Variants in ARHGEF10L observed in about 807,000 individuals in gnomAD.
The protein encoded by ARHGEF10L is rho guanine nucleotide exchange factor 10-like protein.
ARHGEF10L carries 69 observed loss-of-function variants against 141.2 expected under a neutral mutation model. The ratio of observed to expected loss-of-function variants is 0.49; its 90% confidence interval spans 0.40 to 0.60. The LOEUF (loss-of-function observed/expected upper bound fraction) is 0.60. ARHGEF10L is among the 20% of genes least tolerant of loss of function. The pLI is 0.00. For missense variants in ARHGEF10L, 1,482 were observed against 1,734.3 expected, an observed-to-expected ratio of 0.85 and a Z score of 2.58; for synonymous variants, 711 against 718.5, an observed-to-expected ratio of 0.99 and a Z score of 0.17.
chr1:17,537,245 A>G (rs573303592), upstream of ARHGEF10L, among the ~76,000 whole-genome samples: 140 of 152,292 alleles, frequency 9.2e-4, no homozygotes, highest in African/African-American at 3.3e-3. Flanking sequence ...ATGGCAACTA[A>G]CAACAACAAA....
chr1:17,554,474 G>T lies in ARHGEF10L; in HGVS notation c.-44+14524G>T, dbSNP rs144646316. On this transcript the variant is annotated intron_variant, in intron 1 of 28. Transcript: ENST00000361221. ...TAGGACATCTCAGTCCCAGAGAGGG[G>T]CTGGGACTTACCCTAGGTCACACAG... Among the ~76,000 whole-genome samples, 100 of 152,184 alleles carry T rather than the reference G, an allele frequency of 6.6e-4. 1 individual carries two copies. In the East Asian group the frequency reaches 0.017, roughly 27 times the overall value.
intron 26 of ARHGEF10L, among the ~76,000 whole-genome samples, chr1:17,674,680 G>A (rs747111340): frequency 2.9e-4 from 44 of 152,338 alleles, no homozygotes; most frequent in Admixed American, 2.7e-3. Context: ...ACATAGTCAC[G>A]TGCTGCATAG....
chr1:17,621,458 C>G lies in ARHGEF10L; in HGVS notation c.943-406C>G, dbSNP rs1040126576. On this transcript the variant is annotated intron_variant, in intron 10 of 28. Coordinates refer to ENST00000361221, the MANE Select transcript of ARHGEF10L (RefSeq NM_018125.4). The surrounding 1 kb of genome is among the most constrained non-coding windows in gnomAD (Gnocchi z 4.1). ...ATGTTGGCCAGGCTGGTTTCGAACT[C>G]CTGACTTCAGGTGATTTGCCCATCT... Among the ~76,000 whole-genome samples the G allele has an allele frequency of 7.9e-5, 12 of 152,156 alleles. No individual in the cohort carries two copies. Among genetic ancestry groups the G allele is most frequent in the African/African-American group, 2.7e-4 (11 of 41,440 alleles).
chr1:17,697,114 G>A lies in ARHGEF10L; in HGVS notation c.3574G>A (p.Glu1192Lys). 6.2e-7 allele frequency: 1 copy of A among 1,610,034 alleles called. No homozygotes were observed. Among genetic ancestry groups the A allele is most frequent in the South Asian group, 1.1e-5 (1 of 90,822 alleles). Residue 1192 changes from glutamate (E) to lysine (K), a missense_variant, in exon 29 of 29, where the codon GAG (glutamate) becomes AAG (lysine). By Grantham distance (56) the Glu-to-Lys change is moderately conservative (BLOSUM62 1). Around this residue, in one of 3 missense-constraint regions of ARHGEF10L, gnomAD observed 858 missense variants for 966.3 expected, o/e 0.89. Coordinates refer to ENST00000361221, the MANE Select transcript of ARHGEF10L (RefSeq NM_018125.4). The surrounding 1 kb of genome is among the most constrained non-coding windows in gnomAD (Gnocchi z 4.8). ...CCCGGGCCCGCTGCTCTCCATGCGG[G>A]AGCCGGCGCCTGCTGATGGCGCAGC... The part of the protein sequence containing the change: ...HLPGPLLSMR[E>K]PAPADGAALE...
chr1:17,566,969 T>C (rs1339270223), intron 1 of ARHGEF10L, among the ~76,000 whole-genome samples: 2 of 152,202 alleles, frequency 1.3e-5, no homozygotes, highest in Non-Finnish European at 1.5e-5. Context: ...GAGCGGGGTC[T>C]GGAGACCTTG....
rs1302887044 is a variant in ARHGEF10L, at chr1:17,637,972, T to A, written c.2012T>A (p.Leu671His). Residue 671 changes from leucine (L) to histidine (H), a missense_variant, in exon 19 of 29, where the codon CTT (leucine) becomes CAT (histidine). Coordinates refer to ENST00000361221, the MANE Select transcript of ARHGEF10L (RefSeq NM_018125.4). ...CTGGCCGTGGTGGAGCAGATCACGC[T>A]TCTCATCAGCACGCTGCACGGCACC... ...KDLAVVEQIT[L>H]LISTLHGTYQ... The A allele has an allele frequency of 6.3e-7, 1 of 1,598,468 alleles. No individual in the cohort carries two copies. The highest frequency in any genetic ancestry group is 2.3e-5 in the East Asian group (1 of 44,298).
rs1390358377 is a variant in ARHGEF10L, at chr1:17,558,282, C to T, written c.-44+18332C>T. On this transcript the variant is annotated intron_variant, in intron 1 of 28. Transcript: ENST00000361221. The surrounding 1 kb of genome is among the most constrained non-coding windows in gnomAD (Gnocchi z 4.2). ...TCATTCATTCATCTATCCATCCACC[C>T]ACCCGCCCATTTATTCACCCACTCA... 2.6e-5 allele frequency among the ~76,000 whole-genome samples: 4 copies of T among 152,340 alleles called. 1 individual carries two copies. Among genetic ancestry groups the T allele is most frequent in the African/African-American group, 9.6e-5 (4 of 41,580 alleles).
chr1:17,630,877 C>G (rs565150038), intron 15 of ARHGEF10L, among the ~76,000 whole-genome samples: 1 of 152,164 alleles, frequency 6.6e-6, no homozygotes, highest in African/African-American at 2.4e-5. Flanking sequence ...CGAGGAGGCT[C>G]GGGGTGATCT....
intron 25 of ARHGEF10L, among the ~76,000 whole-genome samples, chr1:17,657,200 C>T (rs953638246): frequency 6.6e-6 from 1 of 152,168 alleles, no homozygotes; most frequent in African/African-American, 2.4e-5. Flanking sequence ...ATTGAGCCAT[C>T]CCTAGCACAG....
rs1348479432 is a variant in ARHGEF10L at position 17,633,100 on chromosome 1, TG to T, written c.1730+637del. 1.7e-3 allele frequency among the ~76,000 whole-genome samples: 257 copies of T among 152,322 alleles called. 3 individuals are homozygous for T. The highest frequency in any genetic ancestry group is 9.1e-4 in the Non-Finnish European group (62 of 68,030). ...TTACTAACACAGGGAGCCCACACCA[TG>T]GGTGAGACATAGGAGAGATCTGACA... On this transcript the variant is annotated intron_variant, in intron 16 of 28. Transcript: ENST00000361221.
rs553325449 is a variant in ARHGEF10L at position 17,551,932 on chromosome 1, G to A, written c.-44+11982G>A. Among the ~76,000 whole-genome samples the A allele has an allele frequency of 6.6e-5, 10 of 152,270 alleles. No individual in the cohort carries two copies. In the South Asian group the frequency reaches 1.0e-3, roughly 16 times the overall value. ...TTGAAGGTCACCGTCCACAGTCCCC[G>A]TGTGGCTTTAAACATTGCCTTTTTG... On this transcript the variant is annotated intron_variant, in intron 1 of 28. Coordinates refer to ENST00000361221, the MANE Select transcript of ARHGEF10L (RefSeq NM_018125.4).
intron 1 of ARHGEF10L, among the ~76,000 whole-genome samples, chr1:17,541,865 G>A (rs1218007810): frequency 6.6e-6 from 1 of 152,218 alleles, no homozygotes; most frequent in Non-Finnish European, 1.5e-5. Context: ...TACTCGGGAG[G>A]CTGAAGCAGG....
intron 2 of ARHGEF10L, 50 bp from the exon 3 acceptor site, chr1:17,587,410 G>T: frequency 1.3e-6 from 2 of 1,578,292 alleles, no homozygotes; most frequent in South Asian, 2.4e-5. Context: ...TCTCTCCATT[G>T]ACCAAACCTC....
At chr1:17,529,824 C>CTTTTTTTTT in the ARHGEF10L span, among the ~76,000 whole-genome samples, 1 of 67,158 alleles carries the variant, frequency 1.5e-5, no homozygotes, top group Non-Finnish European at 2.7e-5. Context: ...ACACATCAGT[C>CTTTTTTTTT]TTTTTTTTTT....
At chr1:17,569,798 G>A (rs72921014) in intron 1 of ARHGEF10L, among the ~76,000 whole-genome samples, 1,997 of 152,288 alleles carry the variant, frequency 0.013, 40 homozygotes, top group African/African-American at 0.045. Context: ...GGAGGCTCGC[G>A]GATCCTGTCC....
intron 26 of ARHGEF10L, among the ~76,000 whole-genome samples, chr1:17,667,213 C>T (rs1274352740): frequency 6.6e-6 from 1 of 152,226 alleles, no homozygotes; most frequent in African/African-American, 2.4e-5. Flanking sequence ...AAAGGAGGCC[C>T]AGCCTGCTCT....
Position 17,639,023 on chromosome 1 carries a change from C to T in ARHGEF10L, c.2171+334C>T, listed in dbSNP as rs1253457534. Among the ~76,000 whole-genome samples, 2 of 152,144 alleles carry T rather than the reference C, an allele frequency of 1.3e-5. No individual in the cohort carries two copies. The highest frequency in any genetic ancestry group is 2.9e-5 in the Non-Finnish European group (2 of 68,028). On this transcript the variant is annotated intron_variant, in intron 20 of 28. Transcript: ENST00000361221. This position sits in a 1 kb window ranked among gnomAD's most constrained non-coding sequence, Gnocchi z 4.3. ...ACTTCAGCCTATCTAGGCCCCCAGG[C>T]CAGGCCCTGGGTTTCCTCTCTCTGG... is the stretch of plus-strand genomic sequence containing the variant.
At chr1:17,628,024 A>T (rs1244154971) in intron 15 of ARHGEF10L, among the ~76,000 whole-genome samples, 2 of 151,640 alleles carry the variant, frequency 1.3e-5, no homozygotes, top group Non-Finnish European at 2.9e-5. Context: ...GCCGCTTAGG[A>T]ACATGCTATT....
intron 1 of ARHGEF10L, among the ~76,000 whole-genome samples, chr1:17,550,181 G>C (rs1043408464): frequency 3.3e-5 from 5 of 152,242 alleles, no homozygotes; most frequent in African/African-American, 4.8e-5. Context: ...GTACACAGGG[G>C]TGAGGGAAAG....
Sources: gnomAD v4.1 joint callset for allele counts (sites outside exome capture counted in the v4.1 genomes callset) on GRCh38, gnomAD v4.1.1 for gene constraint, gnomAD v4.1.1 regional missense constraint, Gnocchi (gnomAD v3.1) non-coding constraint, MANE v1.5 for transcripts, NCBI Gene and HGNC (gene_info 2026-07-23, HGNC 2026-07-21) for gene names.